ABLIM1: variants seen among roughly 807,000 people sequenced by gnomAD.
ABLIM1 encodes the protein actin binding LIM protein 1.
In ABLIM1, 40 loss-of-function variants were observed where a neutral mutation model predicts 107.0. That is an observed-to-expected ratio of 0.37 (90% CI 0.29 to 0.49). ABLIM1 has a LOEUF of 0.49. Among genes scored for constraint, ABLIM1 ranks in the 20% least tolerant of loss-of-function variants. The probability of loss-of-function intolerance (pLI) is 0.97; values close to 1 mark genes in which losing one functional copy is unlikely to be tolerated. For missense variants in ABLIM1, 857 were observed against 1,008.5 expected (o/e 0.85, Z 2.04); for synonymous variants, 357 against 357.3 (o/e 1.00, Z 0.01).
At chr10:114,633,942 C>G (rs1246202326) in intron 1 of ABLIM1, among the ~76,000 whole-genome samples, 1 of 151,886 alleles carries the variant, frequency 6.6e-6, no homozygotes, top group Non-Finnish European at 1.5e-5. Flanking sequence ...CTCCAAAGCT[C>G]TCATGTTATT....
In ABLIM1 at chr10:114,473,063, C is replaced by T; in HGVS notation, c.1189G>A (p.Asp397Asn). ...AAIPKVKAIY[D>N]IERPDLITYE... is the part of the protein sequence containing the mutation. ...GTAATAAGATCTGGACGTTCAATGT[C>T]ATAAATTGCCTTGACCTTCGGAATG... Residue 397 changes from aspartate to asparagine, a missense_variant, in exon 10 of 23, where the codon GAC (aspartate) becomes AAC (asparagine). Physicochemically the swap from Asp to Asn is conservative, Grantham distance 23. Around this residue, in one of 5 missense-constraint regions of ABLIM1, gnomAD observed 381 missense variants for 506.9 expected, o/e 0.75. Transcript: ENST00000533213. 1 of 1,613,600 alleles carries T rather than the reference C, an allele frequency of 6.2e-7. No homozygotes were observed. Among genetic ancestry groups the T allele is most frequent in the South Asian group, 1.1e-5 (1 of 90,936 alleles).
At chr10:114,574,871 C>T (rs374072053) in intron 3 of ABLIM1, among the ~76,000 whole-genome samples, 4 of 152,094 alleles carry the variant, frequency 2.6e-5, no homozygotes, top group African/African-American at 7.2e-5. Context: ...TAAGACTTTG[C>T]GGACCATATG....
intron 1 of ABLIM1, among the ~76,000 whole-genome samples, chr10:114,644,322 T>TATATATGTATATATTGTATATATAC (rs2078911668): frequency 1.2e-4 from 14 of 119,274 alleles, no homozygotes; most frequent in African/African-American, 3.8e-4. Context: ...TATATATATA[T>TATATATGTATATATTGTATATATAC]ATATATATGT....
intron 6 of ABLIM1, among the ~76,000 whole-genome samples, chr10:114,510,407 C>G (rs188211251): frequency 3.3e-5 from 5 of 152,108 alleles, no homozygotes; most frequent in Admixed American, 1.3e-4. Context: ...ATATAAAGCA[C>G]ATGCCATTTA....
chr10:114,462,966 A>T lies in ABLIM1; in HGVS notation c.1441+2732T>A, dbSNP rs554810452. ...AAAAGCTCGGCACTAACTCTTGGAGATACACCTTATTAGCCTTCCCAGGGT... is the reference window on the plus strand; with the variant it reads ...AAAAGCTCGGCACTAACTCTTGGAGTTACACCTTATTAGCCTTCCCAGGGT... On this transcript the variant is annotated intron_variant, in intron 12 of 22. Transcript: ENST00000533213. The T allele has an allele frequency of 1.5e-5, 19 of 1,286,622 alleles. No homozygotes were observed. The Admixed American group carries it at 3.9e-4, about 26-fold the overall frequency. 79.7% of individuals were successfully genotyped at this position (1,286,622 alleles called of 1,614,324 possible). A position where few individuals can be genotyped will look rare whatever the true frequency, so the allele number is the denominator to read the frequency against.
At chr10:114,654,206 C>T (rs1467632253) in intron 1 of ABLIM1, among the ~76,000 whole-genome samples, 3 of 152,228 alleles carry the variant, frequency 2.0e-5, no homozygotes, top group Admixed American at 6.5e-5. Flanking sequence ...GGGAATCCCA[C>T]GTCCTGTGCA....
intron 22 of ABLIM1, 27 bp from the exon 23 acceptor site, chr10:114,436,400 C>T (rs375158761): frequency 8.6e-6 from 13 of 1,513,568 alleles, no homozygotes; most frequent in Non-Finnish European, 1.1e-5. Flanking sequence ...AAAAAAAGAG[C>T]TGCTGTCAGT....
At chr10:114,675,008 G>C (rs1240183545) in intron 1 of ABLIM1, among the ~76,000 whole-genome samples, 1 of 152,052 alleles carries the variant, frequency 6.6e-6, no homozygotes, top group Non-Finnish European at 1.5e-5. Flanking sequence ...TCATATAATG[G>C]TAGAAAGTCC....
At chr10:114,455,753 A>G (rs942816817) in intron 12 of ABLIM1, among the ~76,000 whole-genome samples, 1 of 152,198 alleles carries the variant, frequency 6.6e-6, no homozygotes, top group African/African-American at 2.4e-5. Context: ...AATTAAAGGA[A>G]GCCAGATGCT....
chr10:114,513,745 A>G (rs188349108), intron 6 of ABLIM1, among the ~76,000 whole-genome samples: 14 of 152,340 alleles, frequency 9.2e-5, no homozygotes, highest in Non-Finnish European at 1.8e-4. Flanking sequence ...GCACAGAGCT[A>G]GTAGATACAA....
rs1337990041 is a variant in ABLIM1, at chr10:114,603,650, AAG to A, written c.245-1691_245-1690del. ...TCCCTTGCACATTAAAAAAAAAAAA[AAG>A]AAGAAGAAAAGTTTTCCTTGGCTTG... On this transcript the variant is annotated intron_variant, in intron 1 of 22. Coordinates refer to ENST00000533213, the MANE Select transcript of ABLIM1 (RefSeq NM_002313.7). 2.8e-3 allele frequency among the ~76,000 whole-genome samples: 425 copies of A among 149,924 alleles called. 2 individuals are homozygous for A. Among genetic ancestry groups the A allele is most frequent in the African/African-American group, 8.4e-3 (347 of 41,180 alleles).
intron 6 of ABLIM1, among the ~76,000 whole-genome samples, chr10:114,536,528 G>T (rs989843460): frequency 1.3e-5 from 2 of 152,052 alleles, no homozygotes; most frequent in African/African-American, 4.8e-5. Flanking sequence ...GATTACAGGC[G>T]TGAGCCACCG....
intron 1 of ABLIM1, among the ~76,000 whole-genome samples, chr10:114,747,013 CA>C (rs761647841): frequency 2.0e-5 from 3 of 152,122 alleles, no homozygotes; most frequent in African/African-American, 4.8e-5. Flanking sequence ...GTATGACTTG[CA>C]AATATTTTCT....
chr10:114,611,148 T>A (rs1435666767), intron 1 of ABLIM1, among the ~76,000 whole-genome samples: 1 of 137,654 alleles, frequency 7.3e-6, no homozygotes, highest in African/African-American at 3.0e-5. Context: ...CAAGACTCCA[T>A]CTCAAAAAAA....
intron 6 of ABLIM1, among the ~76,000 whole-genome samples, chr10:114,524,366 C>T (rs1180187472): frequency 6.6e-6 from 1 of 152,166 alleles, no homozygotes; most frequent in Non-Finnish European, 1.5e-5. Context: ...CAGCCATTGA[C>T]TTCATCGTTA....
At chr10:114,547,609 G>T in intron 5 of ABLIM1, 41 bp downstream of exon 5, 1 of 1,609,806 alleles carries the variant, frequency 6.2e-7, no homozygotes, top group Non-Finnish European at 8.5e-7. Context: ...CACAACGCCC[G>T]GTGCCCACTG....
intron 1 of ABLIM1, among the ~76,000 whole-genome samples, chr10:114,739,968 G>A (rs1472617521): frequency 1.3e-5 from 2 of 152,032 alleles, no homozygotes; most frequent in Admixed American, 6.6e-5. Context: ...TATACTAGAT[G>A]GATTCCCTAT....
intron 6 of ABLIM1, among the ~76,000 whole-genome samples, chr10:114,540,914 G>A (rs2066574284): frequency 1.3e-5 from 2 of 152,168 alleles, no homozygotes; most frequent in South Asian, 4.1e-4. Context: ...ACCTGTGAAT[G>A]CTAGCTTATT....
At chr10:114,475,121 C>A (rs1387631040) in intron 8 of ABLIM1, among the ~76,000 whole-genome samples, 1 of 152,178 alleles carries the variant, frequency 6.6e-6, no homozygotes, top group Non-Finnish European at 1.5e-5. Flanking sequence ...ATCACAACAA[C>A]CAGGGCCTCA....
Sources: gnomAD v4.1 joint callset for allele counts (sites outside exome capture counted in the v4.1 genomes callset) on GRCh38, gnomAD v4.1.1 for gene constraint, gnomAD v4.1.1 regional missense constraint, MANE v1.5 for transcripts, NCBI Gene and HGNC (gene_info 2026-07-23, HGNC 2026-07-21) for gene names.